Variants in HEMK2 observed in about 807,000 individuals in gnomAD.
HEMK2 encodes methyltransferase HEMK2.
the HEMK2 span, chr21:28,876,527 C>A: frequency 2.1e-6 from 3 of 1,416,732 alleles, no homozygotes; most frequent in Non-Finnish European, 2.9e-6. Context: ...TCCATTAAGC[C>A]ATTTGGTAGT....
the HEMK2 span, among the ~76,000 whole-genome samples, chr21:28,590,892 C>T: frequency 2.0e-5 from 3 of 152,224 alleles, no homozygotes; most frequent in East Asian, 3.9e-4. Flanking sequence ...GTAAACTCTG[C>T]TTAGACAAAA....
the HEMK2 span, among the ~76,000 whole-genome samples, chr21:28,877,998 T>C: frequency 6.6e-6 from 1 of 152,168 alleles, no homozygotes; most frequent in African/African-American, 2.4e-5. Context: ...CTTTTTAAAA[T>C]CAGAAAAATT....
chr21:28,857,204 T>TTA, the HEMK2 span, among the ~76,000 whole-genome samples: 10 of 152,310 alleles, frequency 6.6e-5, no homozygotes, highest in Admixed American at 5.2e-4. Context: ...TTAGCAAACT[T>TTA]TGTATAAAGT....
At chr21:28,596,139 C>T in the HEMK2 span, among the ~76,000 whole-genome samples, 1 of 152,008 alleles carries the variant, frequency 6.6e-6, no homozygotes, top group Admixed American at 6.6e-5. Context: ...GCCTCAGCCT[C>T]CCGAGTAGCT....
the HEMK2 span, among the ~76,000 whole-genome samples, chr21:28,869,611 T>C: frequency 6.6e-6 from 1 of 152,272 alleles, no homozygotes; most frequent in East Asian, 1.9e-4. Flanking sequence ...CTCGAAAATC[T>C]CTCATGCATA....
At chr21:28,717,545 T>C in the HEMK2 span, among the ~76,000 whole-genome samples, 4 of 142,738 alleles carry the variant, frequency 2.8e-5, no homozygotes, top group Non-Finnish European at 6.0e-5. Flanking sequence ...AGTGGCATGC[T>C]CTCGGCTCAC....
the HEMK2 span, among the ~76,000 whole-genome samples, chr21:28,623,986 A>AG: frequency 6.3e-4 from 96 of 152,354 alleles, no homozygotes; most frequent in African/African-American, 1.8e-3. Flanking sequence ...GTATTAAAAA[A>AG]AAACTCAAAT....
chr21:28,839,086 T>G, the HEMK2 span, among the ~76,000 whole-genome samples: 4 of 146,592 alleles, frequency 2.7e-5, no homozygotes, highest in Non-Finnish European at 4.5e-5. Flanking sequence ...TCAATAAATG[T>G]GATACAACAG....
At chr21:28,804,654 A>T in the HEMK2 span, among the ~76,000 whole-genome samples, 1 of 152,250 alleles carries the variant, frequency 6.6e-6, no homozygotes, top group Admixed American at 6.5e-5. Flanking sequence ...CCCTAAAATG[A>T]TCTACCCTGT....
chr21:28,873,426 G>A, the HEMK2 span: 1 of 152,200 alleles, frequency 6.6e-6, no homozygotes, highest in African/African-American at 2.4e-5. Context: ...TCTGTAACTG[G>A]TCATATGATC....
chr21:28,685,884 A>G, the HEMK2 span, among the ~76,000 whole-genome samples: 1 of 152,222 alleles, frequency 6.6e-6, no homozygotes, highest in African/African-American at 2.4e-5. Flanking sequence ...GGAGCTTATC[A>G]GAGTTAGGCT....
the HEMK2 span, among the ~76,000 whole-genome samples, chr21:28,641,538 A>G: frequency 7.9e-5 from 12 of 152,298 alleles, no homozygotes; most frequent in African/African-American, 2.9e-4. Context: ...TGAGCATCTC[A>G]AAAGAGACAA....
At chr21:28,671,465 A>G in the HEMK2 span, among the ~76,000 whole-genome samples, 1 of 152,216 alleles carries the variant, frequency 6.6e-6, no homozygotes, top group Non-Finnish European at 1.5e-5. Flanking sequence ...CTCTTCATAT[A>G]TCCAGCCTTA....
chr21:28,689,683 T>C, the HEMK2 span, among the ~76,000 whole-genome samples: 5 of 152,244 alleles, frequency 3.3e-5, no homozygotes, highest in South Asian at 2.1e-4. Context: ...TGAAGAGACA[T>C]TGAAGATGGA....
At chr21:28,640,368 C>T in the HEMK2 span, among the ~76,000 whole-genome samples, 1 of 152,150 alleles carries the variant, frequency 6.6e-6, no homozygotes, top group Non-Finnish European at 1.5e-5. Context: ...TTCAAAAGTG[C>T]TTGGAGCTCT....
the HEMK2 span, among the ~76,000 whole-genome samples, chr21:28,768,656 T>C: frequency 6.6e-6 from 1 of 151,958 alleles, no homozygotes; most frequent in Non-Finnish European, 1.5e-5. Flanking sequence ...ATGGAGCATC[T>C]CATGGTCAGT....
chr21:28,605,129 T>C, the HEMK2 span, among the ~76,000 whole-genome samples: 2 of 152,232 alleles, frequency 1.3e-5, no homozygotes, highest in African/African-American at 4.8e-5. Flanking sequence ...CTCTTGCTCA[T>C]AGCACCTCCA....
At chr21:28,674,917 C>T in the HEMK2 span, 2 of 152,174 alleles carry the variant, frequency 1.3e-5, no homozygotes, top group African/African-American at 2.4e-5. Context: ...AAGTGGAGTC[C>T]TCATGACTTA....
the HEMK2 span, among the ~76,000 whole-genome samples, chr21:28,751,502 G>T: frequency 1.3e-5 from 2 of 152,188 alleles, no homozygotes; most frequent in African/African-American, 2.4e-5. Context: ...TCCACTGTGG[G>T]TTATTCCAGA....
Sources: gnomAD v4.1 joint callset for allele counts (sites outside exome capture counted in the v4.1 genomes callset) on GRCh38, gnomAD v4.1.1 for gene constraint, MANE v1.5 for transcripts, NCBI Gene and HGNC (gene_info 2026-07-23, HGNC 2026-07-21) for gene names.